Variants in NOPCHAP1 observed in about 807,000 individuals in gnomAD.
NOPCHAP1 encodes the protein DNA damage-sensitive RNA 1.
In NOPCHAP1, 13 loss-of-function variants were observed where a neutral mutation model predicts 14.0. That is an observed-to-expected ratio of 0.93 (90% confidence interval 0.60 to 1.47). The LOEUF (loss-of-function observed/expected upper bound fraction) is 1.47, where lower values mean the gene tolerates loss of function less well. Ranked by LOEUF, NOPCHAP1 falls within the 40% of genes most tolerant of loss-of-function variation. The pLI is 0.00. For missense variants in NOPCHAP1, 230 were observed against 226.9 expected (o/e 1.01, Z -0.09); for synonymous variants, 78 against 78.4 (o/e 1.00, Z 0.03).
rs1873798442 is a variant in NOPCHAP1, at chr12:105,010,540, C to T, written c.*15844C>T. On this transcript the variant is annotated 3_prime_UTR_variant, in exon 4 of 4. Coordinates refer to ENST00000552951, the MANE Select transcript of NOPCHAP1 (RefSeq NM_152318.3). ...TAGCTTTTGAATTTGCTTGCTCTCGCTTCTCTGGTTCTTTTAATTGTGATG... is the reference window on the plus strand; with the variant it reads ...TAGCTTTTGAATTTGCTTGCTCTCGTTTCTCTGGTTCTTTTAATTGTGATG... 1 of 152,170 alleles carries T rather than the reference C, an allele frequency of 6.6e-6. No individual in the cohort carries two copies. Among genetic ancestry groups the T allele is most frequent in the Non-Finnish European group, 1.5e-5 (1 of 68,026 alleles). 9.4% of individuals were successfully genotyped at this position (152,170 alleles called of 1,614,324 possible). A position where few individuals can be genotyped will look rare whatever the true frequency, so the allele number is the denominator to read the frequency against.
intron 3 of NOPCHAP1, 33 bp downstream of exon 3, chr12:104,991,881 A>C (rs775941513): frequency 6.4e-7 from 1 of 1,573,718 alleles, no homozygotes; most frequent in Non-Finnish European, 8.6e-7. Flanking sequence ...TGGTGAAATT[A>C]CTGGTCTGCC....
rs1873795041 is a variant in NOPCHAP1, at chr12:105,010,397, T to A, written c.*15701T>A. On this transcript the variant is annotated 3_prime_UTR_variant, in exon 4 of 4. Coordinates refer to ENST00000552951, the MANE Select transcript of NOPCHAP1 (RefSeq NM_152318.3). Reference sequence around the variant, plus strand: ...CTTTATTAATTGGGCTTGTGGTCTATCTATTTTGTTAATCTTCTCAAAAAA... The same window carrying A: ...CTTTATTAATTGGGCTTGTGGTCTAACTATTTTGTTAATCTTCTCAAAAAA... 6.6e-6 allele frequency: 1 copy of A among 152,210 alleles called. No individual in the cohort carries two copies. 9.4% of individuals were successfully genotyped at this position (152,210 alleles called of 1,614,324 possible). A position where few individuals can be genotyped will look rare whatever the true frequency, so the allele number is the denominator to read the frequency against.
intron 2 of NOPCHAP1, among the ~76,000 whole-genome samples, chr12:104,989,133 G>A (rs1873319922): frequency 6.6e-6 from 1 of 151,964 alleles, no homozygotes; most frequent in African/African-American, 2.4e-5. Flanking sequence ...AGCTGTTCTA[G>A]TGTGGATATA....
At position 105,016,797 on chromosome 12, in the gene NOPCHAP1, A is replaced by C. The variant is rs1592754371; in HGVS notation, c.*22101A>C. The C allele has an allele frequency of 6.6e-6, 1 of 152,196 alleles. No individual in the cohort carries two copies. The highest frequency in any genetic ancestry group is 1.5e-5 in the Non-Finnish European group (1 of 68,042). The allele number at this position is 152,196 out of a possible 1,614,324, so 9.4% of individuals were successfully genotyped here. On this transcript the variant is annotated 3_prime_UTR_variant, in exon 4 of 4. Transcript: ENST00000552951. ...AGATTTGGGTGGGGACACAGCCAAA[A>C]CATATCAGTATGTTATGGCCTTATA...
At chr12:104,991,382 T>C (rs1472605314) in intron 2 of NOPCHAP1, among the ~76,000 whole-genome samples, 2 of 152,208 alleles carry the variant, frequency 1.3e-5, no homozygotes, top group African/African-American at 4.8e-5. Context: ...TACCTAGTTA[T>C]TCGTACCCTA....
At position 105,003,581 on chromosome 12, in the gene NOPCHAP1, A is replaced by G. The variant is rs1873652669; in HGVS notation, c.*8885A>G. On this transcript the variant is annotated 3_prime_UTR_variant, in exon 4 of 4. Transcript: ENST00000552951. ...TACAATAGACCCAGCAAATACATTC[A>G]TTTGGTCACTAGGGTGCTCCTGGGC... 6.6e-6 allele frequency: 1 copy of G among 152,234 alleles called. No homozygotes were observed. The highest frequency in any genetic ancestry group is 2.1e-4 in the South Asian group (1 of 4,830). The allele number at this position is 152,234 out of a possible 1,614,324, so 9.4% of individuals were successfully genotyped here.
At position 105,001,507 on chromosome 12, in the gene NOPCHAP1, G is replaced by A. The variant is rs1202504205; in HGVS notation, c.*6811G>A. 6.6e-6 allele frequency: 1 copy of A among 152,134 alleles called. No homozygotes were observed. The highest frequency in any genetic ancestry group is 2.4e-5 in the African/African-American group (1 of 41,422). 9.4% of individuals were successfully genotyped at this position (152,134 alleles called of 1,614,324 possible). A position where few individuals can be genotyped will look rare whatever the true frequency, so the allele number is the denominator to read the frequency against. ...TATTTTTTCAATTTCTGCCTTTAGA[G>A]AGCATAACAGTTCTGGTTCAGGAGA... On this transcript the variant is annotated 3_prime_UTR_variant, in exon 4 of 4. Transcript: ENST00000552951.
In NOPCHAP1 at chr12:105,000,130, A is replaced by G. The variant is rs943053954; in HGVS notation, c.*5434A>G. The G allele has an allele frequency of 9.2e-5, 14 of 152,236 alleles. No homozygotes were observed. Among genetic ancestry groups the G allele is most frequent in the African/African-American group, 3.1e-4 (13 of 41,464 alleles). 9.4% of individuals were successfully genotyped at this position (152,236 alleles called of 1,614,324 possible). On this transcript the variant is annotated 3_prime_UTR_variant, in exon 4 of 4. Transcript: ENST00000552951. The stretch of plus-strand genomic sequence containing the variant: ...TACAAATAATCACCGGTGCCCACAT[A>G]GATAGTCCCCAAGTCTTGAGTATGT...
At chr12:104,987,577 T>C (rs1312611439) in intron 1 of NOPCHAP1, among the ~76,000 whole-genome samples, 1 of 152,176 alleles carries the variant, frequency 6.6e-6, no homozygotes, top group Non-Finnish European at 1.5e-5. Context: ...TGCAAAGCCT[T>C]GAGTTTTGTA....
intron 1 of NOPCHAP1, among the ~76,000 whole-genome samples, chr12:104,987,234 C>T (rs970609044): frequency 1.3e-5 from 2 of 152,184 alleles, no homozygotes; most frequent in African/African-American, 4.8e-5. Context: ...CTTATGTAGT[C>T]CTTACTATGT....
rs1873959055 is a variant in NOPCHAP1, at chr12:105,016,945, G to A, written c.*22249G>A. ...TTAGGTGTGAGTTGATGGCAGTTTG[G>A]CATTTGGAGAGCAGTTGCACTCCTA... On this transcript the variant is annotated 3_prime_UTR_variant, in exon 4 of 4. Transcript: ENST00000552951. 1.3e-5 allele frequency: 2 copies of A among 152,138 alleles called. No individual in the cohort carries two copies. The highest frequency in any genetic ancestry group is 4.1e-4 in the South Asian group (2 of 4,824). 9.4% of individuals were successfully genotyped at this position (152,138 alleles called of 1,614,324 possible). A position where few individuals can be genotyped will look rare whatever the true frequency, so the allele number is the denominator to read the frequency against.
In NOPCHAP1 at chr12:105,001,663, A is replaced by G. The variant is rs1321643221; in HGVS notation, c.*6967A>G. The G allele has an allele frequency of 6.6e-6, 1 of 152,178 alleles. No homozygotes were observed. Among genetic ancestry groups the G allele is most frequent in the Non-Finnish European group, 1.5e-5 (1 of 68,010 alleles). 9.4% of individuals were successfully genotyped at this position (152,178 alleles called of 1,614,324 possible). ...ATAATTAAAAAGTATGATTTTCTGTAAATGACACCAGTGTCAGTTGGATGG... is the reference window on the plus strand; with the variant it reads ...ATAATTAAAAAGTATGATTTTCTGTGAATGACACCAGTGTCAGTTGGATGG... On this transcript the variant is annotated 3_prime_UTR_variant, in exon 4 of 4. Transcript: ENST00000552951.
At position 104,998,071 on chromosome 12, in the gene NOPCHAP1, C is replaced by T. The variant is rs1029118975; in HGVS notation, c.*3375C>T. Reference sequence around the variant, plus strand: ...CGGTTTAGTTCTCTCTTATAATGGCCGTTTTGTTTATCAGCTTCTGTATCA... The same window carrying T: ...CGGTTTAGTTCTCTCTTATAATGGCTGTTTTGTTTATCAGCTTCTGTATCA... On this transcript the variant is annotated 3_prime_UTR_variant, in exon 4 of 4. Coordinates refer to ENST00000552951, the MANE Select transcript of NOPCHAP1 (RefSeq NM_152318.3). 6.6e-5 allele frequency: 10 copies of T among 152,096 alleles called. No homozygotes were observed. The highest frequency in any genetic ancestry group is 2.0e-4 in the Admixed American group (3 of 15,262). The allele number at this position is 152,096 out of a possible 1,614,324, so 9.4% of individuals were successfully genotyped here.
Position 104,991,817 on chromosome 12 carries a change from T to C in NOPCHAP1, c.308T>C (p.Ile103Thr), listed in dbSNP as rs200931216. The change falls in exon 3 of 4, where the codon ATT becomes ACT. Residue 103 changes from isoleucine (I) to threonine (T), a missense_variant. Physicochemically the swap from Ile to Thr is moderately conservative, Grantham distance 89. Transcript: ENST00000552951. ...APPGRFNIEN[I>T]DGPHSKVIQM... Reference sequence around the variant, plus strand: ...CCTGGTCGTTTCAATATTGAAAACATTGATGGGCCTCATAGTAAAGTTATA... The same window carrying C: ...CCTGGTCGTTTCAATATTGAAAACACTGATGGGCCTCATAGTAAAGTTATA... 136 of 1,557,184 alleles carry C rather than the reference T, an allele frequency of 8.7e-5. No individual in the cohort carries two copies. The highest frequency in any genetic ancestry group is 1.1e-4 in the Non-Finnish European group (131 of 1,143,936).
In NOPCHAP1 at chr12:105,014,338, C is replaced by G. The variant is rs1873903274; in HGVS notation, c.*19642C>G. 1 of 152,090 alleles carries G rather than the reference C, an allele frequency of 6.6e-6. No homozygotes were observed. Among genetic ancestry groups the G allele is most frequent in the African/African-American group, 2.4e-5 (1 of 41,410 alleles). 9.4% of individuals were successfully genotyped at this position (152,090 alleles called of 1,614,324 possible). On this transcript the variant is annotated 3_prime_UTR_variant, in exon 4 of 4. Transcript: ENST00000552951. Reference sequence around the variant, plus strand: ...GACTGGTATCTACATATATTTAATGCATTTTTGACGTACCTAACTTTTTAA... The same window carrying G: ...GACTGGTATCTACATATATTTAATGGATTTTTGACGTACCTAACTTTTTAA...
rs12308726 is a variant in NOPCHAP1, at chr12:105,004,699, A to G, written c.*10003A>G. Reference sequence around the variant, plus strand: ...TGAGGGAGGAATATGTGAAAAAGAAAAAAGATTTTTACAAAGAAAAGAATT... The same window carrying G: ...TGAGGGAGGAATATGTGAAAAAGAAGAAAGATTTTTACAAAGAAAAGAATT... On this transcript the variant is annotated 3_prime_UTR_variant, in exon 4 of 4. Coordinates refer to ENST00000552951, the MANE Select transcript of NOPCHAP1 (RefSeq NM_152318.3). The G allele has an allele frequency of 5.3e-4, 81 of 152,316 alleles. No individual in the cohort carries two copies. The highest frequency in any genetic ancestry group is 1.8e-3 in the African/African-American group (76 of 41,562). The allele number at this position is 152,316 out of a possible 1,614,324, so 9.4% of individuals were successfully genotyped here. A position where few individuals can be genotyped will look rare whatever the true frequency, so the allele number is the denominator to read the frequency against.
rs1318735898 is a variant in NOPCHAP1, at chr12:105,008,974, T to G, written c.*14278T>G. ...TTGTCTTGGCTATATGGGCTCTTTT[T>G]GGGTTTCATATGAAATTTAAAGTAG... On this transcript the variant is annotated 3_prime_UTR_variant, in exon 4 of 4. Coordinates refer to ENST00000552951, the MANE Select transcript of NOPCHAP1 (RefSeq NM_152318.3). 3 of 152,220 alleles carry G rather than the reference T, an allele frequency of 2.0e-5. No homozygotes were observed. The highest frequency in any genetic ancestry group is 7.2e-5 in the African/African-American group (3 of 41,446). 9.4% of individuals were successfully genotyped at this position (152,220 alleles called of 1,614,324 possible).
chr12:104,992,653 C>T (rs1873405393), intron 3 of NOPCHAP1, among the ~76,000 whole-genome samples: 1 of 152,166 alleles, frequency 6.6e-6, no homozygotes, highest in Admixed American at 6.5e-5. Flanking sequence ...AAGCAGGTCG[C>T]ACAGCAGGAG....
Position 105,014,163 on chromosome 12 carries a change from T to C in NOPCHAP1, c.*19467T>C, listed in dbSNP as rs1873898843. 6.6e-6 allele frequency: 1 copy of C among 152,220 alleles called. No homozygotes were observed. Among genetic ancestry groups the C allele is most frequent in the South Asian group, 2.1e-4 (1 of 4,828 alleles). The allele number at this position is 152,220 out of a possible 1,614,324, so 9.4% of individuals were successfully genotyped here. ...TAGAGTTAATTTTATGCAGTTATGA[T>C]TTAATACTGTGTCTTTGCATTTGTT... On this transcript the variant is annotated 3_prime_UTR_variant, in exon 4 of 4. Coordinates refer to ENST00000552951, the MANE Select transcript of NOPCHAP1 (RefSeq NM_152318.3).
Sources: allele counts gnomAD v4.1 joint callset (sites outside exome capture counted in the v4.1 genomes callset), GRCh38; gene constraint gnomAD v4.1.1; transcripts MANE v1.5; gene names NCBI Gene and HGNC (gene_info 2026-07-23, HGNC 2026-07-21).